APP: variants seen among roughly 807,000 people sequenced by gnomAD.
APP encodes the protein amyloid-beta precursor protein.
Under a neutral mutation model 101.4 loss-of-function variants are expected in APP, and 31 were observed. That is an observed-to-expected ratio of 0.31 (90% CI 0.23 to 0.41). The LOEUF is 0.41. Ranked by LOEUF, APP falls within the 10% of genes least tolerant of loss-of-function variation. The pLI is 1.00. For missense variants in APP, 839 were observed against 1,003.7 expected (o/e 0.84, Z 2.22); for synonymous variants, 366 against 364.4 (o/e 1.00, Z -0.05).
At chr21:25,996,260 G>C (rs775113698) in intron 8 of APP, among the ~76,000 whole-genome samples, 5 of 152,296 alleles carry the variant, frequency 3.3e-5, no homozygotes, top group Non-Finnish European at 7.4e-5. Context: ...CAAAAGGTGA[G>C]CACCTCTAAC....
rs369990738 is a variant in APP at position 25,975,074 on chromosome 21, G to A, written c.1454C>T (p.Pro485Leu). Residue 485 changes from proline to leucine, a missense_variant, in exon 11 of 18, where the codon CCT (proline) becomes CTT (leucine). Pro to Leu is a moderately conservative substitution (Grantham distance 98, BLOSUM62 -3). Transcript: ENST00000346798. ...CTCGGCTGCAGCGAGACCTACCCGA[G>A]GAGGAACAGCCTGCAGAGCGGTGAT... is the stretch of plus-strand genomic sequence containing the variant. ...NYITALQAVP[P>L]RPRHVFNMLK... is the part of the protein sequence containing the mutation. The A allele has an allele frequency of 2.0e-5, 32 of 1,613,936 alleles. No homozygotes were observed. Among genetic ancestry groups the A allele is most frequent in the Non-Finnish European group, 2.7e-5 (32 of 1,180,022 alleles).
At chr21:26,088,767 T>C (rs2146107035) in intron 3 of APP, among the ~76,000 whole-genome samples, 1 of 152,310 alleles carries the variant, frequency 6.6e-6, no homozygotes, top group African/African-American at 2.4e-5. Context: ...TTATAAAGCA[T>C]ATAGGAACAA....
At chr21:26,067,985 G>A (rs548070034) in intron 3 of APP, 2 of 151,648 alleles carry the variant, frequency 1.3e-5, no homozygotes, top group Non-Finnish European at 2.9e-5. Context: ...GGTTATATAC[G>A]GGGCTTTTTA....
intron 3 of APP, among the ~76,000 whole-genome samples, chr21:26,065,891 T>A (rs184857285): frequency 8.5e-4 from 130 of 152,324 alleles, no homozygotes; most frequent in African/African-American, 2.9e-3. Flanking sequence ...TTGTTAAAGC[T>A]TTCCAGATTA....
intron 13 of APP, among the ~76,000 whole-genome samples, chr21:25,926,550 G>A (rs1477444645): frequency 6.6e-6 from 1 of 152,056 alleles, no homozygotes; most frequent in African/African-American, 2.4e-5. Context: ...ATCTTCCTTA[G>A]TGGGATCACT....
At chr21:26,158,214 C>T (rs919097618) in intron 1 of APP, 1 of 152,258 alleles carries the variant, frequency 6.6e-6, no homozygotes, top group African/African-American at 2.4e-5. Context: ...ACCTCCTCCT[C>T]TGTCACTCCA....
intron 2 of APP, among the ~76,000 whole-genome samples, chr21:26,104,830 CAA>C (rs1208126313): frequency 1.3e-5 from 2 of 152,026 alleles, no homozygotes; most frequent in Non-Finnish European, 2.9e-5. Context: ...AACTTGTGAG[CAA>C]AAAGTCAAAA....
intron 6 of APP, among the ~76,000 whole-genome samples, chr21:26,006,329 T>C (rs986231713): frequency 1.3e-5 from 2 of 152,228 alleles, no homozygotes; most frequent in Non-Finnish European, 2.9e-5. Flanking sequence ...CAAGGAAGCA[T>C]TATGCCTTCT....
intron 15 of APP, among the ~76,000 whole-genome samples, chr21:25,899,137 G>A (rs1008157814): frequency 6.6e-6 from 1 of 152,136 alleles, no homozygotes; most frequent in Admixed American, 6.5e-5. Context: ...AGATTGTGAA[G>A]CTATCTTCTC....
chr21:26,136,202 A>AAAGAAAGAAATAAAGAAAGAAAGAAAG, intron 1 of APP, among the ~76,000 whole-genome samples: 1 of 100,604 alleles, frequency 9.9e-6, no homozygotes, highest in South Asian at 3.4e-4. Context: ...AGAAAGAAAG[A>AAAGAAAGAAATAAAGAAAGAAAGAAAG]AAAGAAAAGA....
chr21:26,147,675 C>A (rs1397174156), intron 1 of APP, among the ~76,000 whole-genome samples: 1 of 152,122 alleles, frequency 6.6e-6, no homozygotes, highest in Non-Finnish European at 1.5e-5. Context: ...TCTGTTCCCA[C>A]AGAGCAACTG....
intron 6 of APP, among the ~76,000 whole-genome samples, chr21:26,021,244 C>T (rs956053649): frequency 2.6e-5 from 4 of 152,044 alleles, no homozygotes; most frequent in Admixed American, 6.6e-5. Context: ...GATGGGTTTT[C>T]ACCATGTTGG....
At chr21:25,988,568 G>T (rs1216946740) in intron 8 of APP, among the ~76,000 whole-genome samples, 1 of 151,982 alleles carries the variant, frequency 6.6e-6, no homozygotes, top group Non-Finnish European at 1.5e-5. Flanking sequence ...TGGGCGTGGT[G>T]GCAGGCGCCT....
intron 2 of APP, among the ~76,000 whole-genome samples, chr21:26,099,345 A>G (rs2062011251): frequency 6.6e-6 from 1 of 152,212 alleles, no homozygotes; most frequent in Non-Finnish European, 1.5e-5. Flanking sequence ...CAAAGAACAT[A>G]TCCAAGAAGA....
intron 5 of APP, 81 bp downstream of exon 5, chr21:26,050,919 A>G: frequency 1.3e-6 from 2 of 1,538,820 alleles, no homozygotes; most frequent in Non-Finnish European, 1.8e-6. Context: ...AGTGATAAAC[A>G]GAAAGATTAA....
intron 2 of APP, among the ~76,000 whole-genome samples, chr21:26,096,053 C>T (rs536712772): frequency 6.6e-6 from 1 of 152,302 alleles, no homozygotes; most frequent in Admixed American, 6.5e-5. Flanking sequence ...TATAGCCACA[C>T]AGAGCATTTG....
At chr21:26,161,116 G>C (rs1318576997) in intron 1 of APP, among the ~76,000 whole-genome samples, 1 of 152,058 alleles carries the variant, frequency 6.6e-6, no homozygotes. Flanking sequence ...CATTTATTTA[G>C]TACATACAAA....
chr21:26,086,764 C>A (rs531545932), intron 3 of APP, among the ~76,000 whole-genome samples: 1 of 152,304 alleles, frequency 6.6e-6, no homozygotes, highest in South Asian at 2.1e-4. Context: ...TCTGTCAACA[C>A]AACGATAGCT....
intron 11 of APP, among the ~76,000 whole-genome samples, chr21:25,970,345 C>T (rs2041983410): frequency 6.6e-6 from 1 of 152,068 alleles, no homozygotes; most frequent in African/African-American, 2.4e-5. Context: ...TCCATTCAGC[C>T]CTCAGCTTAT....
Sources: allele counts gnomAD v4.1 joint callset (sites outside exome capture counted in the v4.1 genomes callset), GRCh38; gene constraint gnomAD v4.1.1; transcripts MANE v1.5; gene names NCBI Gene and HGNC (gene_info 2026-07-23, HGNC 2026-07-21).